ARFGAP3: variants seen among roughly 807,000 people sequenced by gnomAD.
ARFGAP3 encodes the protein ARF GTPase activating protein 3.
A neutral mutation model predicts 75.0 loss-of-function variants in ARFGAP3; 72 were observed. That is an observed-to-expected ratio of 0.96 (90% CI 0.79 to 1.17). The LOEUF (loss-of-function observed/expected upper bound fraction) is 1.17. Among genes scored for constraint, ARFGAP3 ranks in the 50% most tolerant of loss-of-function variants. ARFGAP3 has a pLI of 0.00. For synonymous variants in ARFGAP3, 221 were observed against 217.9 expected (o/e 1.01, Z -0.13); for missense variants, 620 against 626.6 (o/e 0.99, Z 0.11).
intron 9 of ARFGAP3, among the ~76,000 whole-genome samples, chr22:42,818,257 T>C (rs1455594949): frequency 1.7e-5 from 1 of 57,362 alleles, no homozygotes; most frequent in East Asian, 2.3e-4. Flanking sequence ...TCTATCTTGA[T>C]TTAAGATAAA....
At position 42,857,242 on chromosome 22, in the gene ARFGAP3, G is replaced by T; in HGVS notation, c.-60C>A. Reference sequence around the variant, plus strand: ...CAACCGGTAAGAGTCGACGAAAAGCGGCTACCGCCTCAGCAGGAGCGACGA... The same window carrying T: ...CAACCGGTAAGAGTCGACGAAAAGCTGCTACCGCCTCAGCAGGAGCGACGA... On this transcript the variant is annotated 5_prime_UTR_variant, in exon 1 of 16. Transcript: ENST00000263245. 1.3e-6 allele frequency: 2 copies of T among 1,487,462 alleles called. No homozygotes were observed. Among genetic ancestry groups the T allele is most frequent in the Non-Finnish European group, 1.8e-6 (2 of 1,114,130 alleles). The allele number at this position is 1,487,462 out of a possible 1,614,324, so 92.1% of individuals were successfully genotyped here. A position where few individuals can be genotyped will look rare whatever the true frequency, so the allele number is the denominator to read the frequency against.
chr22:42,831,706 C>T (rs138568704), intron 5 of ARFGAP3, 70 bp from the exon 6 acceptor site: 51 of 1,597,474 alleles, frequency 3.2e-5, no homozygotes, highest in Middle Eastern at 3.3e-4. Flanking sequence ...CATCAAAGCA[C>T]GGGAAAAACC....
chr22:42,857,090 C>A (rs1396150187), intron 1 of ARFGAP3, 24 bp downstream of exon 1: 5 of 1,501,582 alleles, frequency 3.3e-6, no homozygotes, highest in Non-Finnish European at 4.4e-6. Flanking sequence ...GCCAGGCAGG[C>A]CCGCACTCGC....
intron 9 of ARFGAP3, among the ~76,000 whole-genome samples, chr22:42,821,244 C>T (rs1925800368): frequency 6.6e-6 from 1 of 152,202 alleles, no homozygotes; most frequent in African/African-American, 2.4e-5. Context: ...ATATAATTCA[C>T]ATACCGTAAA....
intron 14 of ARFGAP3, among the ~76,000 whole-genome samples, chr22:42,802,611 T>A (rs1924922774): frequency 6.8e-6 from 1 of 146,918 alleles, no homozygotes; most frequent in Non-Finnish European, 1.5e-5. Flanking sequence ...GAATTTTTTT[T>A]TTTTTTTTGA....
intron 13 of ARFGAP3, 100 bp from the exon 14 acceptor site, chr22:42,807,263 C>T: frequency 6.8e-7 from 1 of 1,473,674 alleles, no homozygotes; most frequent in Non-Finnish European, 9.0e-7. Context: ...TGTTTGACCC[C>T]CAGGCTCTTT....
At chr22:42,810,003 T>TA (rs35072147) in intron 12 of ARFGAP3, among the ~76,000 whole-genome samples, 139 of 102,110 alleles carry the variant, frequency 1.4e-3, no homozygotes, top group East Asian at 2.0e-3. Flanking sequence ...GACTCCATCT[T>TA]AAAAAAAAAA....
At chr22:42,839,853 T>C (rs1437305644) in intron 3 of ARFGAP3, among the ~76,000 whole-genome samples, 1 of 152,146 alleles carries the variant, frequency 6.6e-6, no homozygotes, top group Non-Finnish European at 1.5e-5. Context: ...TAAGAGGGGA[T>C]CTTGATTATT....
intron 3 of ARFGAP3, among the ~76,000 whole-genome samples, chr22:42,837,038 C>T (rs1165146762): frequency 6.6e-6 from 1 of 152,230 alleles, no homozygotes; most frequent in African/African-American, 2.4e-5. Context: ...GAGAAAGCTC[C>T]TTTCTGGAGT....
At chr22:42,801,575 G>A (rs1476903084) in intron 14 of ARFGAP3, among the ~76,000 whole-genome samples, 2 of 152,236 alleles carry the variant, frequency 1.3e-5, no homozygotes, top group Admixed American at 6.5e-5. Flanking sequence ...TGCTGGAGGC[G>A]GAACACATCG....
In ARFGAP3 at chr22:42,827,460, G is replaced by A. The variant is rs376244926; in HGVS notation, c.566-461C>T. Among the ~76,000 whole-genome samples the A allele has an allele frequency of 5.8e-4, 89 of 152,190 alleles. No homozygotes were observed. The Middle Eastern group carries it at 0.01, about 17-fold the overall frequency. On this transcript the variant is annotated intron_variant, in intron 6 of 15. Coordinates refer to ENST00000263245, the MANE Select transcript of ARFGAP3 (RefSeq NM_014570.5). ...CGGCTCACTGCAACCTTCGCCTCCC[G>A]GGTTCAAGCCATTATCCTGCCTCGG...
rs960194483 is a variant in ARFGAP3 at position 42,825,706 on chromosome 22, C to A, written c.625+1234G>T. ...TCTCCAAAAAAAAAAAAAAAAGAAACATAAAGCATTCTCTTATTTTAATAA... is the reference window on the plus strand; with the variant it reads ...TCTCCAAAAAAAAAAAAAAAAGAAAAATAAAGCATTCTCTTATTTTAATAA... On this transcript the variant is annotated intron_variant, in intron 7 of 15. Coordinates refer to ENST00000263245, the MANE Select transcript of ARFGAP3 (RefSeq NM_014570.5). 2.3e-3 allele frequency among the ~76,000 whole-genome samples: 339 copies of A among 147,158 alleles called. 1 individual carries two copies. The highest frequency in any genetic ancestry group is 3.9e-3 in the Non-Finnish European group (258 of 66,756).
chr22:42,822,580 T>C, intron 8 of ARFGAP3, 171 bp from the exon 9 acceptor site: 2 of 320,626 alleles, frequency 6.2e-6, no homozygotes, highest in Non-Finnish European at 9.0e-6. Context: ...CAGGAGTCCC[T>C]CAGCATGGGG....
At chr22:42,834,185 C>A in intron 5 of ARFGAP3, 57 bp downstream of exon 5, 1 of 1,509,942 alleles carries the variant, frequency 6.6e-7, no homozygotes, top group African/African-American at 1.4e-5. Flanking sequence ...AAATATGCAC[C>A]TTTTGTTAAC....
rs1298325152 is a variant in ARFGAP3 at position 42,796,889 on chromosome 22, C to T, written c.*699G>A. On this transcript the variant is annotated 3_prime_UTR_variant, in exon 16 of 16. Transcript: ENST00000263245. Reference sequence around the variant, plus strand: ...GTGATGAGATGATTTATTATGAGAACTCTTAGGGAGTTCTCATCTTCCATT... The same window carrying T: ...GTGATGAGATGATTTATTATGAGAATTCTTAGGGAGTTCTCATCTTCCATT... 6.6e-6 allele frequency: 1 copy of T among 152,192 alleles called. No individual in the cohort carries two copies. The highest frequency in any genetic ancestry group is 1.5e-5 in the Non-Finnish European group (1 of 68,060). The allele number at this position is 152,192 out of a possible 1,614,324, so 9.4% of individuals were successfully genotyped here. A position where few individuals can be genotyped will look rare whatever the true frequency, so the allele number is the denominator to read the frequency against.
chr22:42,800,850 A>G (rs1041323097), intron 14 of ARFGAP3, among the ~76,000 whole-genome samples: 2 of 152,196 alleles, frequency 1.3e-5, no homozygotes, highest in Non-Finnish European at 2.9e-5. Flanking sequence ...AGGTTACACA[A>G]TGAGCTCCAG....
rs1925612402 is a variant in ARFGAP3, at chr22:42,817,180, A to G, written c.1026T>C (p.Asn342=). Residue 342 remains asparagine, a synonymous_variant, in exon 11 of 16, where the codon AAT becomes AAC. Coordinates refer to ENST00000263245, the MANE Select transcript of ARFGAP3 (RefSeq NM_014570.5). ...TAAAATATGAATCGTCACTGTCATC[A>G]TTATACTTTTTTCTTGGTTTTGCCA... is the stretch of plus-strand genomic sequence containing the variant. ...PIMAKPRKKY[N]DDSDDSYFTS... is the part of the protein sequence containing the mutation. 1 of 1,613,452 alleles carries G rather than the reference A, an allele frequency of 6.2e-7. No individual in the cohort carries two copies. Among genetic ancestry groups the G allele is most frequent in the South Asian group, 1.1e-5 (1 of 91,066 alleles).
chr22:42,849,843 T>C (rs1927195730), intron 1 of ARFGAP3, among the ~76,000 whole-genome samples: 1 of 152,074 alleles, frequency 6.6e-6, no homozygotes, highest in Admixed American at 6.6e-5. Flanking sequence ...ATTACAGGTG[T>C]GAGCCACCAC....
At chr22:42,837,909 T>C (rs1386359708) in intron 3 of ARFGAP3, among the ~76,000 whole-genome samples, 2 of 151,592 alleles carry the variant, frequency 1.3e-5, no homozygotes, top group Non-Finnish European at 2.9e-5. Flanking sequence ...TGGGCTCAAG[T>C]GGTCCTCCTG....
Sources: allele counts gnomAD v4.1 joint callset (sites outside exome capture counted in the v4.1 genomes callset), GRCh38; gene constraint gnomAD v4.1.1; transcripts MANE v1.5; gene names NCBI Gene and HGNC (gene_info 2026-07-23, HGNC 2026-07-21).